The following CD200 variants were observed in gnomAD, a reference collection of about 807,000 sequenced individuals.
The protein encoded by CD200 is OX-2 membrane glycoprotein.
CD200 carries 15 observed loss-of-function variants against 30.9 expected under a neutral mutation model. The ratio of observed to expected loss-of-function variants is 0.49; its 90% CI spans 0.32 to 0.75. The LOEUF (loss-of-function observed/expected upper bound fraction) is 0.75, where lower values mean the gene tolerates loss of function less well. CD200 is among the 30% of genes least tolerant of loss of function. The probability of loss-of-function intolerance (pLI) is 0.03; values close to 1 mark genes in which losing one functional copy is unlikely to be tolerated. For synonymous variants in CD200, 134 were observed against 126.2 expected (o/e 1.06, Z -0.41); for missense variants, 262 against 324.2 (o/e 0.81, Z 1.47).
chr3:112,350,090 T>C, intron 5 of CD200: 1 of 489,632 alleles, frequency 2.0e-6, no homozygotes, highest in Non-Finnish European at 2.7e-6. Flanking sequence ...AAGAAAGAAG[T>C]CTGGCACCCA....
chr3:112,338,557 T>A (rs2081170049), intron 1 of CD200, among the ~76,000 whole-genome samples: 1 of 152,172 alleles, frequency 6.6e-6, no homozygotes, highest in African/African-American at 2.4e-5. Flanking sequence ...TGTTTGTAGG[T>A]GCTGAGCTGC....
Position 112,354,453 on chromosome 3 carries a change from G to C in CD200, c.802+4634G>C, listed in dbSNP as rs186453537. On this transcript the variant is annotated intron_variant, in intron 5 of 5. Coordinates refer to ENST00000315711, the MANE Select transcript of CD200 (RefSeq NM_005944.7). ...TTTACCTAGTGTCTATTACCAGTTT[G>C]TTTTGTTTGGAACCGCTGTGCATTT... Among the ~76,000 whole-genome samples the C allele has an allele frequency of 2.7e-3, 410 of 152,276 alleles. 2 individuals are homozygous for C. Among genetic ancestry groups the C allele is most frequent in the Non-Finnish European group, 4.8e-3 (329 of 68,038 alleles).
intron 5 of CD200, among the ~76,000 whole-genome samples, chr3:112,355,456 A>C (rs2081607105): frequency 1.3e-5 from 2 of 152,118 alleles, no homozygotes; most frequent in Non-Finnish European, 1.5e-5. Context: ...CTTTTCATAG[A>C]GGAAGCAATT....
chr3:112,341,012 G>A (rs770944989), intron 2 of CD200, 29 bp downstream of exon 2: 13 of 1,457,964 alleles, frequency 8.9e-6, no homozygotes, highest in Non-Finnish European at 1.3e-5. Flanking sequence ...CCTGCTTGGA[G>A]CCCAGCAAAC....
At chr3:112,333,288 G>C (rs2081037872) in intron 1 of CD200, 64 bp downstream of exon 1, 2 of 1,519,166 alleles carry the variant, frequency 1.3e-6, no homozygotes, top group Non-Finnish European at 1.8e-6. Context: ...GGTGGCCCTG[G>C]GGCGGGCGGC....
intron 1 of CD200, 49 bp downstream of exon 1, chr3:112,333,273 G>A (rs115847652): frequency 0.035 from 54,256 of 1,538,776 alleles, 1,128 homozygotes; most frequent in Non-Finnish European, 0.041. Flanking sequence ...AGGCGATGTT[G>A]AGCCGGTGGC....
chr3:112,337,875 C>A (rs2081153994), intron 1 of CD200, among the ~76,000 whole-genome samples: 1 of 152,066 alleles, frequency 6.6e-6, no homozygotes, highest in Non-Finnish European at 1.5e-5. Context: ...TTGCATATAA[C>A]CTATGCATAT....
At chr3:112,350,665 G>A (rs1260600820) in intron 5 of CD200, among the ~76,000 whole-genome samples, 1 of 152,208 alleles carries the variant, frequency 6.6e-6, no homozygotes, top group Non-Finnish European at 1.5e-5. Context: ...TAGGGTGAAG[G>A]GGTGATGTGG....
At chr3:112,349,462 G>C (rs1473191218) in intron 4 of CD200, among the ~76,000 whole-genome samples, 1 of 152,136 alleles carries the variant, frequency 6.6e-6, no homozygotes, top group African/African-American at 2.4e-5. Flanking sequence ...AAATCTGTTA[G>C]AAAATAATAA....
upstream of CD200, chr3:112,332,796 A>C: frequency 6.0e-6 from 1 of 168,052 alleles, no homozygotes. Context: ...AAAAAAGTCC[A>C]TTGGTTAAAT....
intron 1 of CD200, among the ~76,000 whole-genome samples, chr3:112,337,586 G>A (rs1459244282): frequency 3.3e-5 from 5 of 152,180 alleles, no homozygotes; most frequent in African/African-American, 9.7e-5. Flanking sequence ...CTTGTACAAA[G>A]AGGAATTTAA....
intron 5 of CD200, among the ~76,000 whole-genome samples, chr3:112,355,929 A>C (rs1373657148): frequency 6.6e-6 from 1 of 152,236 alleles, no homozygotes; most frequent in African/African-American, 2.4e-5. Flanking sequence ...TAATCTCTAA[A>C]AATAACCATA....
rs1003081428 is a variant in CD200 at position 112,349,933 on chromosome 3, G to C, written c.802+114G>C. The C allele has an allele frequency of 4.4e-6, 6 of 1,358,640 alleles. No homozygotes were observed. The East Asian group carries it at 1.4e-4, about 32-fold the overall frequency. 84.2% of individuals were successfully genotyped at this position (1,358,640 alleles called of 1,614,324 possible). ...GGAATGGCAACAATGTGTTTTGTCT[G>C]TTGTTTCCAAAATACAGAAATGTTG... On this transcript the variant is annotated intron_variant, in intron 5 of 5. Coordinates refer to ENST00000315711, the MANE Select transcript of CD200 (RefSeq NM_005944.7).
chr3:112,347,971 A>G, intron 4 of CD200, 141 bp downstream of exon 4: 1 of 750,310 alleles, frequency 1.3e-6, no homozygotes, highest in Non-Finnish European at 2.1e-6. Flanking sequence ...AAAACAAAAC[A>G]AAACAAAAAA....
chr3:112,349,044 T>C (rs2081474580), intron 4 of CD200, among the ~76,000 whole-genome samples: 1 of 152,248 alleles, frequency 6.6e-6, no homozygotes, highest in East Asian at 1.9e-4. Context: ...CTGTCTGAGG[T>C]CTGAGGTGTT....
intron 5 of CD200, among the ~76,000 whole-genome samples, chr3:112,355,088 A>G (rs547611872): frequency 6.6e-6 from 1 of 152,364 alleles, no homozygotes; most frequent in African/African-American, 2.4e-5. Context: ...GAATTAGAAT[A>G]TGGATGTCTT....
chr3:112,353,114 T>G (rs1442832450), intron 5 of CD200, among the ~76,000 whole-genome samples: 1 of 152,226 alleles, frequency 6.6e-6, no homozygotes, highest in East Asian at 1.9e-4. Flanking sequence ...TAAAACCCAG[T>G]GATTTCATAA....
rs1413432876 is a variant in CD200 at position 112,362,676 on chromosome 3, T to C, written c.*1126T>C. On this transcript the variant is annotated 3_prime_UTR_variant, in exon 6 of 6. Transcript: ENST00000315711. ...CTGTGTCTATCCAGTGGCCTAGGAA[T>C]TAAAGTGTAAGTTGTTTTCGCTGTT... 1 of 151,922 alleles carries C rather than the reference T, an allele frequency of 6.6e-6. No individual in the cohort carries two copies. The highest frequency in any genetic ancestry group is 1.9e-4 in the East Asian group (1 of 5,150). The allele number at this position is 151,922 out of a possible 1,614,324, so 9.4% of individuals were successfully genotyped here.
chr3:112,350,659 G>A (rs1054003356), intron 5 of CD200, among the ~76,000 whole-genome samples: 2 of 152,204 alleles, frequency 1.3e-5, no homozygotes, highest in East Asian at 3.8e-4. Flanking sequence ...ATTTGCTAGG[G>A]TGAAGGGGTG....
Sources: gnomAD v4.1 joint callset for allele counts (sites outside exome capture counted in the v4.1 genomes callset) on GRCh38, gnomAD v4.1.1 for gene constraint, MANE v1.5 for transcripts, NCBI Gene and HGNC (gene_info 2026-07-23, HGNC 2026-07-21) for gene names.